The following FA2H variants were observed in gnomAD, a reference collection of about 807,000 sequenced individuals.
FA2H encodes fatty acid alpha-hydroxylase.
In FA2H, 22 loss-of-function variants were observed where a neutral mutation model predicts 44.9. That is an observed-to-expected ratio of 0.49 (90% CI 0.35 to 0.70). The LOEUF (loss-of-function observed/expected upper bound fraction) is 0.70, where lower values mean the gene tolerates loss of function less well. Ranked by LOEUF, FA2H falls within the 30% of genes least tolerant of loss-of-function variation. The pLI, the probability that FA2H is intolerant of heterozygous loss-of-function variation, is 0.01. For synonymous variants in FA2H, 243 were observed against 213.2 expected (o/e 1.14, Z -1.22); for missense variants, 501 against 504.9 (o/e 0.99, Z 0.07).
intron 4 of FA2H, among the ~76,000 whole-genome samples, chr16:74,723,027 C>T (rs552079901): frequency 6.6e-6 from 1 of 152,240 alleles, no homozygotes; most frequent in African/African-American, 2.4e-5. Context: ...CACCTCTAAG[C>T]TGGCTGTGGC....
chr16:74,754,838 T>A (rs1311229988), intron 1 of FA2H, among the ~76,000 whole-genome samples: 1 of 151,918 alleles, frequency 6.6e-6, no homozygotes, highest in Non-Finnish European at 1.5e-5. Flanking sequence ...AGAAATAGGA[T>A]CTTTGATGTA....
At chr16:74,730,562 C>A (rs1220985043) in intron 2 of FA2H, among the ~76,000 whole-genome samples, 2 of 152,172 alleles carry the variant, frequency 1.3e-5, no homozygotes, top group Non-Finnish European at 2.9e-5. Flanking sequence ...CACACACACC[C>A]TGCACCACCA....
rs779708755 is a variant in FA2H, at chr16:74,724,771, T to C, written c.613+1454A>G. ...CTCTCTGCCAAGGCCGTGTGGCTGATAGAGCCCTCAAATCATCCTCCCTGC... is the reference window on the plus strand; with the variant it reads ...CTCTCTGCCAAGGCCGTGTGGCTGACAGAGCCCTCAAATCATCCTCCCTGC... On this transcript the variant is annotated intron_variant, in intron 4 of 6. Transcript: ENST00000219368. Among the ~76,000 whole-genome samples the C allele has an allele frequency of 3.3e-5, 5 of 152,224 alleles. No homozygotes were observed. The East Asian group carries it at 5.8e-4, about 18-fold the overall frequency.
rs757737719 is a variant in FA2H at position 74,727,384 on chromosome 16, G to C, written c.366C>G (p.Asp122Glu). The change falls in exon 3 of 7, where the codon GAC (aspartate) becomes GAG (glutamate). Residue 122 changes from aspartate (D) to glutamate (E), a missense_variant and splice_region_variant. By Grantham distance (45) the Asp-to-Glu change is conservative (BLOSUM62 2). Transcript: ENST00000219368. ...GGAGAGGCTTTCGCCAGTCCACCAG[G>C]TCCTGCAAGAGATGAAGCCAAGTGG... is the stretch of plus-strand genomic sequence containing the variant. ...PRFKVVDWDK[D>E]LVDWRKPLLW... 9.3e-6 allele frequency: 15 copies of C among 1,614,080 alleles called. No homozygotes were observed. The South Asian group carries it at 1.3e-4, about 14-fold the overall frequency.
chr16:74,731,780 C>T (rs1357221534), intron 2 of FA2H, among the ~76,000 whole-genome samples: 1 of 152,198 alleles, frequency 6.6e-6, no homozygotes. Context: ...GACTTTTTAG[C>T]TATGCTTTTG....
Position 74,718,943 on chromosome 16 carries a change from C to G in FA2H, c.786+45G>C, listed in dbSNP as rs6564161. The G allele has an allele frequency of 0.15, 234,822 of 1,606,254 alleles. 18,930 individuals carry two copies. Among genetic ancestry groups the G allele is most frequent in the African/African-American group, 0.24 (18,162 of 74,950 alleles). On this transcript the variant is annotated intron_variant, in intron 5 of 6. Coordinates refer to ENST00000219368, the MANE Select transcript of FA2H (RefSeq NM_024306.5). ...GCTGCGGCTGGCTGCCGGGCCCTCT[C>G]GGGCTGCACATGCTAGGTCCGGGCT...
intron 1 of FA2H, among the ~76,000 whole-genome samples, chr16:74,748,459 G>A (rs1962467514): frequency 6.6e-6 from 1 of 152,138 alleles, no homozygotes; most frequent in Non-Finnish European, 1.5e-5. Context: ...CAGGCGGCCC[G>A]AATGACTTAT....
At chr16:74,747,896 C>T (rs2057802) in intron 1 of FA2H, among the ~76,000 whole-genome samples, 39,406 of 151,990 alleles carry the variant, frequency 0.26, 5,422 homozygotes, top group East Asian at 0.51. Flanking sequence ...TCAGTTTCAT[C>T]TGGGATCAAG....
chr16:74,730,730 C>T (rs563762738), intron 2 of FA2H, among the ~76,000 whole-genome samples: 7 of 152,240 alleles, frequency 4.6e-5, no homozygotes, highest in Non-Finnish European at 1.0e-4. Context: ...TACAGTAGCA[C>T]TCAGAGCTAA....
chr16:74,726,923 A>T (rs931675083), intron 3 of FA2H, among the ~76,000 whole-genome samples: 7 of 152,068 alleles, frequency 4.6e-5, no homozygotes, highest in African/African-American at 1.7e-4. Flanking sequence ...TCAGATGCTG[A>T]CCTCTTGTGG....
At chr16:74,749,960 G>T (rs1962500416) in intron 1 of FA2H, among the ~76,000 whole-genome samples, 1 of 152,202 alleles carries the variant, frequency 6.6e-6, no homozygotes, top group Non-Finnish European at 1.5e-5. Flanking sequence ...CGCGGCCAGA[G>T]CTTGTCAGGG....
At chr16:74,741,792 ATATATATATATATATATG>A (rs1201763697) in intron 1 of FA2H, among the ~76,000 whole-genome samples, 2 of 74,690 alleles carry the variant, frequency 2.7e-5, no homozygotes, top group African/African-American at 5.5e-5. Context: ...ATATATATAT[ATATATATATATATATATG>A]TGTGTGTGTG....
rs1224736630 is a variant in FA2H at position 74,716,553 on chromosome 16, G to A, written c.833C>T (p.Ser278Phe). 1.9e-6 allele frequency: 3 copies of A among 1,603,438 alleles called. No individual in the cohort carries two copies. The highest frequency in any genetic ancestry group is 2.6e-6 in the Non-Finnish European group (3 of 1,175,284). ...CAAGTAGAAGACGCCGATCACCAGG[G>A]AGGCTGGCACAGGGGGGAAGACCAG... The part of the protein sequence containing the change: ...SRLVFPPVPA[S>F]LVIGVFYLCM... The change falls in exon 6 of 7, where the codon TCC becomes TTC. Residue 278 changes from serine to phenylalanine, a missense_variant. Ser to Phe is a radical substitution (Grantham distance 155). Coordinates refer to ENST00000219368, the MANE Select transcript of FA2H (RefSeq NM_024306.5).
intron 1 of FA2H, among the ~76,000 whole-genome samples, chr16:74,749,646 G>A (rs1038685784): frequency 3.3e-5 from 5 of 152,298 alleles, no homozygotes; most frequent in South Asian, 4.1e-4. Context: ...GCCAGCACAG[G>A]TGGGCAGGCA....
chr16:74,731,790 G>T (rs1356747390), intron 2 of FA2H, among the ~76,000 whole-genome samples: 1 of 152,074 alleles, frequency 6.6e-6, no homozygotes, highest in Non-Finnish European at 1.5e-5. Context: ...CTATGCTTTT[G>T]GTATTTTCCT....
At chr16:74,718,155 C>G (rs1239308105) in intron 5 of FA2H, among the ~76,000 whole-genome samples, 4 of 152,182 alleles carry the variant, frequency 2.6e-5, no homozygotes, top group South Asian at 2.1e-4. Flanking sequence ...ATCGGCTCAT[C>G]GAGATGAACC....
At chr16:74,742,866 A>G (rs1192833148) in intron 1 of FA2H, among the ~76,000 whole-genome samples, 1 of 152,158 alleles carries the variant, frequency 6.6e-6, no homozygotes, top group Non-Finnish European at 1.5e-5. Flanking sequence ...TTAATTTACT[A>G]TCAGCAACAT....
intron 1 of FA2H, among the ~76,000 whole-genome samples, chr16:74,763,560 G>T (rs1962753634): frequency 1.3e-5 from 2 of 152,116 alleles, no homozygotes; most frequent in Admixed American, 1.3e-4. Context: ...GCCCGGCCTG[G>T]AATTTATAAA....
chr16:74,754,931 A>T (rs573007195), intron 1 of FA2H, among the ~76,000 whole-genome samples: 2 of 152,254 alleles, frequency 1.3e-5, no homozygotes, highest in African/African-American at 4.8e-5. Context: ...GGGACTGAGG[A>T]GACATTGACA....
Sources: allele counts gnomAD v4.1 joint callset (sites outside exome capture counted in the v4.1 genomes callset), GRCh38; gene constraint gnomAD v4.1.1; transcripts MANE v1.5; gene names NCBI Gene and HGNC (gene_info 2026-07-23, HGNC 2026-07-21).